The following GRIK4 variants were observed in gnomAD, a reference collection of about 807,000 sequenced individuals.
GRIK4 encodes the protein glutamate ionotropic receptor kainate type subunit 4.
Under a neutral mutation model 104.9 loss-of-function variants are expected in GRIK4, and 40 were observed. The ratio of observed to expected loss-of-function variants is 0.38; its 90% CI spans 0.30 to 0.50. The LOEUF (loss-of-function observed/expected upper bound fraction) is 0.50, where lower values mean the gene tolerates loss of function less well. GRIK4 is among the 20% of genes least tolerant of loss of function. The probability of loss-of-function intolerance (pLI) is 0.93; values close to 1 mark genes in which losing one functional copy is unlikely to be tolerated. For missense variants in GRIK4, 1,047 were observed against 1,308.1 expected, an observed-to-expected ratio of 0.80 and a Z score of 3.08; for synonymous variants, 485 against 524.9, an observed-to-expected ratio of 0.92 and a Z score of 1.04.
chr11:120,632,596 T>G (rs916051471), intron 1 of GRIK4, among the ~76,000 whole-genome samples: 1 of 152,158 alleles, frequency 6.6e-6, no homozygotes, highest in Non-Finnish European at 1.5e-5. Flanking sequence ...CCCAGCCACC[T>G]TCTTCCTGCT....
intron 11 of GRIK4, among the ~76,000 whole-genome samples, chr11:120,880,541 G>T (rs1011116486): frequency 2.2e-4 from 34 of 152,174 alleles, no homozygotes; most frequent in African/African-American, 6.5e-4. Context: ...AAAGTCCAAG[G>T]TCTTTCCACT....
rs559191953 is a variant in GRIK4, at chr11:120,535,290, G to A, written c.-159+23403G>A. 9.0e-4 allele frequency among the ~76,000 whole-genome samples: 46 copies of A among 50,936 alleles called. 1 individual carries two copies. In the South Asian group the frequency reaches 0.03, roughly 33 times the overall value. 33.4% of individuals were successfully genotyped at this position (50,936 alleles called of 152,430 possible). On this transcript the variant is annotated intron_variant, in intron 1 of 20. Transcript: ENST00000527524. ...CCTGGGACCAGAGGGAAGAGGGAAGGGGGGTGCAGATCTTTGCAGGGAGGG... is the reference window on the plus strand; with the variant it reads ...CCTGGGACCAGAGGGAAGAGGGAAGAGGGGTGCAGATCTTTGCAGGGAGGG...
At chr11:120,974,126 T>C (rs189610533) in intron 19 of GRIK4, among the ~76,000 whole-genome samples, 55 of 152,324 alleles carry the variant, frequency 3.6e-4, no homozygotes, top group Middle Eastern at 3.4e-3. Context: ...CAGGCTGGTC[T>C]CGAACTCCTG....
intron 13 of GRIK4, among the ~76,000 whole-genome samples, chr11:120,938,265 A>C (rs557318496): frequency 1.4e-4 from 22 of 152,312 alleles, no homozygotes; most frequent in Admixed American, 1.0e-3. Flanking sequence ...AGGCACTAAC[A>C]ATCCTCTAAT....
At chr11:120,686,659 A>G (rs1425884562) in intron 3 of GRIK4, among the ~76,000 whole-genome samples, 1 of 152,244 alleles carries the variant, frequency 6.6e-6, no homozygotes, top group African/African-American at 2.4e-5. Flanking sequence ...GAATCCAAAT[A>G]ACAGGCTGTC....
At chr11:120,941,404 TAGAGAAAAGG>T (rs1943720829) in intron 14 of GRIK4, among the ~76,000 whole-genome samples, 1 of 152,060 alleles carries the variant, frequency 6.6e-6, no homozygotes, top group African/African-American at 2.4e-5. Flanking sequence ...ATCCCAGCTC[TAGAGAAAAGG>T]AGATCGTCCA....
chr11:120,527,380 G>A (rs533510358), intron 1 of GRIK4, among the ~76,000 whole-genome samples: 4 of 152,308 alleles, frequency 2.6e-5, no homozygotes, highest in East Asian at 1.9e-4. Context: ...TGGGGACCCC[G>A]GAGCAGATGG....
intron 1 of GRIK4, among the ~76,000 whole-genome samples, chr11:120,643,823 T>C (rs2135204588): frequency 6.6e-6 from 1 of 152,264 alleles, no homozygotes; most frequent in East Asian, 1.9e-4. Flanking sequence ...TAACGTTAGT[T>C]CTAGTGCATC....
intron 3 of GRIK4, among the ~76,000 whole-genome samples, chr11:120,718,210 A>G (rs989425103): frequency 2.0e-5 from 3 of 151,334 alleles, no homozygotes; most frequent in African/African-American, 7.3e-5. Flanking sequence ...AGTTCCTAAT[A>G]TGTCCCCTCA....
chr11:120,600,220 G>A (rs954694501), intron 1 of GRIK4, among the ~76,000 whole-genome samples: 2 of 152,214 alleles, frequency 1.3e-5, no homozygotes, highest in Non-Finnish European at 2.9e-5. Flanking sequence ...CCCACAGCGG[G>A]AGGGTACCTC....
chr11:120,778,331 G>A (rs1952083466), intron 3 of GRIK4, among the ~76,000 whole-genome samples: 1 of 152,226 alleles, frequency 6.6e-6, no homozygotes, highest in Admixed American at 6.5e-5. Flanking sequence ...GAGGCACTAG[G>A]ACGCTGACTG....
intron 13 of GRIK4, among the ~76,000 whole-genome samples, chr11:120,934,320 G>A (rs1452100196): frequency 1.3e-5 from 2 of 152,010 alleles, no homozygotes; most frequent in Admixed American, 6.6e-5. Context: ...AAAGAAGGGA[G>A]GGAGATGAGA....
chr11:120,514,433 C>T (rs1947699361), intron 1 of GRIK4, among the ~76,000 whole-genome samples: 1 of 152,200 alleles, frequency 6.6e-6, no homozygotes, highest in Non-Finnish European at 1.5e-5. Flanking sequence ...CAGCTGGGTC[C>T]CAGGCCCCTG....
At chr11:120,682,276 C>T (rs57012327) in intron 3 of GRIK4, among the ~76,000 whole-genome samples, 12,779 of 152,154 alleles carry the variant, frequency 0.084, 1,497 homozygotes, top group African/African-American at 0.26. Flanking sequence ...AGACGGGTGG[C>T]GGGAGGGCTT....
intron 1 of GRIK4, among the ~76,000 whole-genome samples, chr11:120,544,666 G>A (rs767948717): frequency 3.9e-5 from 6 of 152,168 alleles, no homozygotes; most frequent in Non-Finnish European, 7.3e-5. Flanking sequence ...TTATTAGGAA[G>A]TTGTGTCCCT....
intron 6 of GRIK4, among the ~76,000 whole-genome samples, chr11:120,823,113 A>G (rs553330800): frequency 1.3e-5 from 2 of 152,328 alleles, no homozygotes; most frequent in South Asian, 4.1e-4. Context: ...GTTAAGAGAC[A>G]GAGGGTATCC....
chr11:120,898,599 A>G lies in GRIK4; in HGVS notation c.1232A>G (p.Asp411Gly), dbSNP rs1170382430. ...DSHLYASNIS[D>G]TLFNTTLVVT... ...CACCTCTATGCCTCCAACATCTCGG[A>G]CACTCTCTTCAACACCACCCTGGTC... Residue 411 changes from aspartate to glycine, a missense_variant, in exon 12 of 21, where the codon GAC (aspartate) becomes GGC (glycine). Coordinates refer to ENST00000527524, the MANE Select transcript of GRIK4 (RefSeq NM_014619.5). 27 of 1,612,656 alleles carry G rather than the reference A, an allele frequency of 1.7e-5. 1 individual carries two copies. The highest frequency in any genetic ancestry group is 2.2e-5 in the Non-Finnish European group (26 of 1,178,838).
At chr11:120,644,994 TG>T in intron 1 of GRIK4, among the ~76,000 whole-genome samples, 1 of 152,360 alleles carries the variant, frequency 6.6e-6, no homozygotes, top group African/African-American at 2.4e-5. Context: ...AACCTGAGGA[TG>T]CATGTATGTA....
At chr11:120,889,668 GATCTCAGCTCACTGC>G (rs928795401) in intron 11 of GRIK4, among the ~76,000 whole-genome samples, 7 of 120,150 alleles carry the variant, frequency 5.8e-5, no homozygotes, top group Admixed American at 1.2e-4. Flanking sequence ...GCAATGGTAT[GATCTCAGCTCACTGC>G]AACCTCTGAC....
Sources: gnomAD v4.1 joint callset for allele counts (sites outside exome capture counted in the v4.1 genomes callset) on GRCh38, gnomAD v4.1.1 for gene constraint, MANE v1.5 for transcripts, NCBI Gene and HGNC (gene_info 2026-07-23, HGNC 2026-07-21) for gene names.